FHOD3: variants seen among roughly 807,000 people sequenced by gnomAD.
The protein encoded by FHOD3 is FH1/FH2 domain-containing protein 3.
Under a neutral mutation model 173.0 loss-of-function variants are expected in FHOD3, and 90 were observed. The ratio of observed to expected loss-of-function variants is 0.52; its 90% CI spans 0.44 to 0.62. FHOD3 has a LOEUF of 0.62. Ranked by LOEUF, FHOD3 falls within the 20% of genes least tolerant of loss-of-function variation. The probability of loss-of-function intolerance (pLI) is 0.00; values close to 1 mark genes in which losing one functional copy is unlikely to be tolerated. For synonymous variants in FHOD3, 828 were observed against 823.0 expected (o/e 1.01, Z -0.10); for missense variants, 1,945 against 2,034.7 (o/e 0.96, Z 0.85).
rs563233641 is a variant in FHOD3 at position 36,709,470 on chromosome 18, C to T, written c.2533+79C>T. On this transcript the variant is annotated intron_variant, in intron 18 of 28. Transcript: ENST00000590592. Reference sequence around the variant, plus strand: ...GGGGCTGGTTCTCTAAGAGCTTGTCCACAGGCTGGCCTCTGAGGTGACCTG... The same window carrying T: ...GGGGCTGGTTCTCTAAGAGCTTGTCTACAGGCTGGCCTCTGAGGTGACCTG... 112 of 1,463,908 alleles carry T rather than the reference C, an allele frequency of 7.7e-5. No individual in the cohort carries two copies. In the South Asian group the frequency reaches 1.4e-3, roughly 18 times the overall value. 90.7% of individuals were successfully genotyped at this position (1,463,908 alleles called of 1,614,324 possible).
At chr18:36,687,404 CA>C (rs2038693319) in intron 16 of FHOD3, among the ~76,000 whole-genome samples, 2 of 152,116 alleles carry the variant, frequency 1.3e-5, no homozygotes, top group Admixed American at 1.3e-4. Context: ...TTCAAATGAG[CA>C]CGTTTATGTT....
intron 14 of FHOD3, among the ~76,000 whole-genome samples, chr18:36,668,638 G>A (rs994723916): frequency 1.1e-4 from 17 of 151,826 alleles, no homozygotes; most frequent in African/African-American, 4.1e-4. Context: ...TTTCCTCTAA[G>A]TATTGCTTTT....
Position 36,468,237 on chromosome 18 carries a change from G to A in FHOD3, c.338-33695G>A, listed in dbSNP as rs1226871073. On this transcript the variant is annotated intron_variant, in intron 3 of 28. Transcript: ENST00000590592. ...TGCCTTCCACCTTAATGACTCTGCA[G>A]TGCCGAAGCCATAGGGATAAGTGGC... is the stretch of plus-strand genomic sequence containing the variant. Among the ~76,000 whole-genome samples the A allele has an allele frequency of 5.9e-5, 9 of 152,290 alleles. No individual in the cohort carries two copies. In the East Asian group the frequency reaches 1.7e-3, roughly 30 times the overall value.
intron 19 of FHOD3, 79 bp downstream of exon 19, chr18:36,718,794 T>C: frequency 6.6e-7 from 1 of 1,516,996 alleles, no homozygotes; most frequent in East Asian, 2.3e-5. Context: ...AAATACTATT[T>C]TGCATTGCTT....
chr18:36,483,559 T>G (rs1014497329), intron 3 of FHOD3, among the ~76,000 whole-genome samples: 1 of 152,202 alleles, frequency 6.6e-6, no homozygotes, highest in African/African-American at 2.4e-5. Context: ...TCTTTATGTT[T>G]TATTCCAAGG....
chr18:36,660,932 G>A (rs2036752653), intron 14 of FHOD3, among the ~76,000 whole-genome samples: 1 of 152,168 alleles, frequency 6.6e-6, no homozygotes, highest in African/African-American at 2.4e-5. Flanking sequence ...CTCTATCCAC[G>A]AGCGAGTACG....
At chr18:36,436,013 TG>T (rs1467621486) in intron 3 of FHOD3, among the ~76,000 whole-genome samples, 1 of 152,126 alleles carries the variant, frequency 6.6e-6, no homozygotes, top group African/African-American at 2.4e-5. Flanking sequence ...TGAGAAAGTC[TG>T]GGTATGAAAA....
chr18:36,303,885 G>A (rs2092021062), intron 1 of FHOD3, among the ~76,000 whole-genome samples: 1 of 152,076 alleles, frequency 6.6e-6, no homozygotes, highest in Admixed American at 6.6e-5. Flanking sequence ...AGGGGGAGCT[G>A]GGGGACTGTT....
At position 36,523,828 on chromosome 18, in the gene FHOD3, T is replaced by G. The variant is rs78715193; in HGVS notation, c.511+11285T>G. On this transcript the variant is annotated intron_variant, in intron 5 of 28. Coordinates refer to ENST00000590592, the MANE Select transcript of FHOD3 (RefSeq NM_001281740.3). ...GGATGAAAGCAGAGCTGTTTAACTT[T>G]CCCTCTTCTGCATGCTCCATATTAA... Among the ~76,000 whole-genome samples the G allele has an allele frequency of 5.7e-3, 874 of 152,270 alleles. 7 individuals carry two copies. Among genetic ancestry groups the G allele is most frequent in the African/African-American group, 0.02 (833 of 41,536 alleles).
intron 6 of FHOD3, among the ~76,000 whole-genome samples, chr18:36,582,725 G>C (rs557069224): frequency 7.2e-5 from 11 of 152,272 alleles, no homozygotes; most frequent in African/African-American, 2.6e-4. Flanking sequence ...TGTTCATGTA[G>C]TACAAAGAAT....
intron 3 of FHOD3, among the ~76,000 whole-genome samples, chr18:36,453,708 G>T (rs943321535): frequency 6.6e-6 from 1 of 152,200 alleles, no homozygotes; most frequent in African/African-American, 2.4e-5. Flanking sequence ...TTTGAATGAG[G>T]CCAGAGGCTG....
intron 3 of FHOD3, among the ~76,000 whole-genome samples, chr18:36,432,771 C>T (rs1304779107): frequency 2.6e-5 from 4 of 152,166 alleles, no homozygotes; most frequent in East Asian, 3.8e-4. Flanking sequence ...ACAATGGGTG[C>T]GTCTTGACTT....
chr18:36,696,902 A>G (rs1022713839), intron 17 of FHOD3, among the ~76,000 whole-genome samples: 2 of 152,252 alleles, frequency 1.3e-5, no homozygotes, highest in African/African-American at 4.8e-5. Context: ...TTGCTTTGAT[A>G]TCTTTTCCTT....
chr18:36,399,869 T>C (rs1456918311), intron 3 of FHOD3, among the ~76,000 whole-genome samples: 1 of 152,202 alleles, frequency 6.6e-6, no homozygotes, highest in Non-Finnish European at 1.5e-5. Context: ...AGGACAGTTT[T>C]GAGTTTAGAG....
intron 5 of FHOD3, among the ~76,000 whole-genome samples, chr18:36,575,316 T>C (rs1276888833): frequency 6.6e-6 from 1 of 152,192 alleles, no homozygotes; most frequent in African/African-American, 2.4e-5. Flanking sequence ...TAGGATGCAT[T>C]TTCTAATATT....
intron 3 of FHOD3, among the ~76,000 whole-genome samples, chr18:36,393,860 A>G (rs571663551): frequency 2.4e-4 from 36 of 152,160 alleles, no homozygotes; most frequent in Non-Finnish European, 4.6e-4. Context: ...ATGGTTTCCT[A>G]TGTGAGGGCA....
At chr18:36,471,866 A>C (rs1193883059) in intron 3 of FHOD3, among the ~76,000 whole-genome samples, 4 of 152,214 alleles carry the variant, frequency 2.6e-5, no homozygotes, top group African/African-American at 9.7e-5. Context: ...CGTTTCACAT[A>C]AACGAGATGA....
chr18:36,343,802 A>G (rs1244981375), intron 1 of FHOD3, among the ~76,000 whole-genome samples: 1 of 152,248 alleles, frequency 6.6e-6, no homozygotes, highest in Non-Finnish European at 1.5e-5. Context: ...GTATTCCTTT[A>G]TAACAACACA....
In FHOD3 at chr18:36,614,470, T is replaced by C. The variant is rs576980304; in HGVS notation, c.957+2375T>C. 6.2e-4 allele frequency among the ~76,000 whole-genome samples: 94 copies of C among 152,372 alleles called. 1 individual carries two copies. Among genetic ancestry groups the C allele is most frequent in the Non-Finnish European group, 1.1e-3 (74 of 68,036 alleles). On this transcript the variant is annotated intron_variant, in intron 9 of 28. Transcript: ENST00000590592. Reference sequence around the variant, plus strand: ...TGCTGTTGTGAACATTTGTGTTGAATTGAAGTTTGTGTACATACGTTTTCA... The same window carrying C: ...TGCTGTTGTGAACATTTGTGTTGAACTGAAGTTTGTGTACATACGTTTTCA...
Sources: allele counts gnomAD v4.1 joint callset (sites outside exome capture counted in the v4.1 genomes callset), GRCh38; gene constraint gnomAD v4.1.1; transcripts MANE v1.5; gene names NCBI Gene and HGNC (gene_info 2026-07-23, HGNC 2026-07-21).